The following WDR5B variants were observed in gnomAD, a reference collection of about 807,000 sequenced individuals.
The protein encoded by WDR5B is WD repeat-containing protein 5B.
WDR5B carries 17 observed loss-of-function variants against 24.0 expected under a neutral mutation model. The ratio of observed to expected loss-of-function variants is 0.71; its 90% CI spans 0.49 to 1.06. WDR5B has a LOEUF of 1.06. Ranked by LOEUF, WDR5B falls within the 50% of genes least tolerant of loss-of-function variation. WDR5B has a pLI of 0.00. For synonymous variants in WDR5B, 150 were observed against 146.4 expected (o/e 1.02, Z -0.18); for missense variants, 368 against 384.1 (o/e 0.96, Z 0.35).
rs1235271073 is a variant in WDR5B, at chr3:122,415,605, C to T, written c.-77G>A. ...GGCAGTCCAGTACTTTGGCTTTCTG[C>T]CCAGCAAAATGAAGATAAACGCACA... On this transcript the variant is annotated 5_prime_UTR_variant, in exon 1 of 1. Coordinates refer to ENST00000330689, the MANE Select transcript of WDR5B (RefSeq NM_019069.4). The T allele has an allele frequency of 7.3e-6, 11 of 1,499,674 alleles. No homozygotes were observed. The highest frequency in any genetic ancestry group is 9.8e-6 in the Non-Finnish European group (11 of 1,120,752). The allele number at this position is 1,499,674 out of a possible 1,614,324, so 92.9% of individuals were successfully genotyped here.
At position 122,414,402 on chromosome 3, in the gene WDR5B, T is replaced by C; in HGVS notation, c.*134A>G. ...TTTTTCAACTATCTCATTTTGTAAATGTAGTGTATGAATCTCAAAATTTAA... is the reference window on the plus strand; with the variant it reads ...TTTTTCAACTATCTCATTTTGTAAACGTAGTGTATGAATCTCAAAATTTAA... On this transcript the variant is annotated 3_prime_UTR_variant, in exon 1 of 1. Transcript: ENST00000330689. The C allele has an allele frequency of 9.4e-7, 1 of 1,058,630 alleles. No homozygotes were observed. The highest frequency in any genetic ancestry group is 3.1e-5 in the Admixed American group (1 of 32,724). The allele number at this position is 1,058,630 out of a possible 1,614,324, so 65.6% of individuals were successfully genotyped here. A position where few individuals can be genotyped will look rare whatever the true frequency, so the allele number is the denominator to read the frequency against.
At position 122,415,197 on chromosome 3, in the gene WDR5B, T is replaced by A. The variant is rs1036436937; in HGVS notation, c.332A>T (p.Asp111Val). ...TTTCAAACATTTTCCAGATCTCACA[T>A]CCCATAATTTTAGAGTTTTATCATC... ...ASDDKTLKLW[D>V]VRSGKCLKTL... Residue 111 changes from aspartate (D) to valine (V), a missense_variant, in exon 1 of 1, where the codon GAT (aspartate) becomes GTT (valine). Physicochemically the swap from Asp to Val is radical, Grantham distance 152 (BLOSUM62 -3). Transcript: ENST00000330689. 1.9e-6 allele frequency: 3 copies of A among 1,614,086 alleles called. No homozygotes were observed. The highest frequency in any genetic ancestry group is 2.5e-6 in the Non-Finnish European group (3 of 1,180,042).
Position 122,414,464 on chromosome 3 carries a change from T to C in WDR5B, c.*72A>G. 2 of 1,507,196 alleles carry C rather than the reference T, an allele frequency of 1.3e-6. No individual in the cohort carries two copies. Among genetic ancestry groups the C allele is most frequent in the Non-Finnish European group, 1.8e-6 (2 of 1,132,214 alleles). 93.4% of individuals were successfully genotyped at this position (1,507,196 alleles called of 1,614,324 possible). On this transcript the variant is annotated 3_prime_UTR_variant, in exon 1 of 1. Transcript: ENST00000330689. Reference sequence around the variant, plus strand: ...TTTTAAAATACCAAACTGCCAAAATTAAAAGAAACCGTCTTTTTAAATATC... The same window carrying C: ...TTTTAAAATACCAAACTGCCAAAATCAAAAGAAACCGTCTTTTTAAATATC...
At position 122,412,281 on chromosome 3, in the gene WDR5B, C is replaced by T. The variant is rs573231120; in HGVS notation, c.*2255G>A. 6.6e-6 allele frequency: 1 copy of T among 152,270 alleles called. No individual in the cohort carries two copies. Among genetic ancestry groups the T allele is most frequent in the East Asian group, 1.9e-4 (1 of 5,188 alleles). 9.4% of individuals were successfully genotyped at this position (152,270 alleles called of 1,614,324 possible). A position where few individuals can be genotyped will look rare whatever the true frequency, so the allele number is the denominator to read the frequency against. On this transcript the variant is annotated 3_prime_UTR_variant, in exon 1 of 1. Coordinates refer to ENST00000330689, the MANE Select transcript of WDR5B (RefSeq NM_019069.4). ...TAAAGTGGGCAGAAATCTTTTTCTA[C>T]TTTACATTTCCTGTAAGTGCTGTTT...
Position 122,415,758 on chromosome 3 carries a change from T to C in WDR5B, c.-230A>G. On this transcript the variant is annotated 5_prime_UTR_variant, in exon 1 of 1. Transcript: ENST00000330689. ...TTGTTAAGTACTTGAGAAATACTGT[T>C]AGAAGGATCCTGTGCGCTGTCAGCA... is the stretch of plus-strand genomic sequence containing the variant. 2.0e-6 allele frequency: 1 copy of C among 505,178 alleles called. No individual in the cohort carries two copies. The allele number at this position is 505,178 out of a possible 1,614,324, so 31.3% of individuals were successfully genotyped here. A position where few individuals can be genotyped will look rare whatever the true frequency, so the allele number is the denominator to read the frequency against.
In WDR5B at chr3:122,412,861, G is replaced by GT; in HGVS notation, c.*1674dup. ...AACCTAACCTTGGCGTATTTTTCCG[G>GT]TTTTTTTCTATGGACCATTTCATAT... is the stretch of plus-strand genomic sequence containing the variant. On this transcript the variant is annotated 3_prime_UTR_variant, in exon 1 of 1. Transcript: ENST00000330689. 6.6e-6 allele frequency: 1 copy of GT among 152,020 alleles called. No homozygotes were observed. Among genetic ancestry groups the GT allele is most frequent in the East Asian group, 1.9e-4 (1 of 5,204 alleles). 9.4% of individuals were successfully genotyped at this position (152,020 alleles called of 1,614,324 possible). A position where few individuals can be genotyped will look rare whatever the true frequency, so the allele number is the denominator to read the frequency against.
chr3:122,415,642 T>G lies in WDR5B; in HGVS notation c.-114A>C. The G allele has an allele frequency of 7.3e-7, 1 of 1,366,522 alleles. No individual in the cohort carries two copies. The highest frequency in any genetic ancestry group is 9.9e-7 in the Non-Finnish European group (1 of 1,007,014). The allele number at this position is 1,366,522 out of a possible 1,614,324, so 84.6% of individuals were successfully genotyped here. A position where few individuals can be genotyped will look rare whatever the true frequency, so the allele number is the denominator to read the frequency against. On this transcript the variant is annotated 5_prime_UTR_variant, in exon 1 of 1. Transcript: ENST00000330689. The stretch of plus-strand genomic sequence containing the variant: ...AAGATAAACGCACAGGATTTTAAAA[T>G]GTACAGTTTTGAAAGCTTAAAGTTT...
In WDR5B at chr3:122,415,516, C is replaced by T. The variant is rs762970278; in HGVS notation, c.13G>A (p.Glu5Lys). ...AACTGTGCTTTGGCGTCTCTTGACT[C>T]CTTGGTTGCCATGGCTCTGAAGCTC... MATK[E>K]SRDAKAQLAL... The change falls in exon 1 of 1, where the codon GAG (glutamate) becomes AAG (lysine). Residue 5 changes from glutamate to lysine, a missense_variant. Coordinates refer to ENST00000330689, the MANE Select transcript of WDR5B (RefSeq NM_019069.4). The T allele has an allele frequency of 3.1e-6, 5 of 1,610,740 alleles. No individual in the cohort carries two copies. Among genetic ancestry groups the T allele is most frequent in the Non-Finnish European group, 2.5e-6 (3 of 1,178,094 alleles).
Position 122,414,508 on chromosome 3 carries a change from T to C in WDR5B, c.*28A>G. ...AAATATCCAAGTTTTTTGGCCAACT[T>C]GGCTCTACTACTTGATTTTCAAAGG... On this transcript the variant is annotated 3_prime_UTR_variant, in exon 1 of 1. Coordinates refer to ENST00000330689, the MANE Select transcript of WDR5B (RefSeq NM_019069.4). 6.4e-7 allele frequency: 1 copy of C among 1,561,850 alleles called. No homozygotes were observed. The highest frequency in any genetic ancestry group is 2.3e-5 in the East Asian group (1 of 44,064).
In WDR5B at chr3:122,415,740, G is replaced by A. The variant is rs192232958; in HGVS notation, c.-212C>T. ...CTTCAAGTTTTCATCTTTTTGTTAA[G>A]TACTTGAGAAATACTGTTAGAAGGA... On this transcript the variant is annotated 5_prime_UTR_variant, in exon 1 of 1. Coordinates refer to ENST00000330689, the MANE Select transcript of WDR5B (RefSeq NM_019069.4). The A allele has an allele frequency of 1.2e-4, 72 of 576,668 alleles. No individual in the cohort carries two copies. The highest frequency in any genetic ancestry group is 1.2e-3 in the African/African-American group (63 of 52,902). The allele number at this position is 576,668 out of a possible 1,614,324, so 35.7% of individuals were successfully genotyped here.
rs1396354045 is a variant in WDR5B at position 122,414,541 on chromosome 3, G to A, written c.988C>T (p.His330Tyr). ...DKTIKLWMSN[H>Y] ...CTACTTGATTTTCAAAGGGATTAGT[G>A]GTTACTCATCCACAGTTTAATTGTT... The change falls in exon 1 of 1, where the codon CAC (histidine) becomes TAC (tyrosine). Residue 330 changes from histidine to tyrosine, a missense_variant. Coordinates refer to ENST00000330689, the MANE Select transcript of WDR5B (RefSeq NM_019069.4). 3 of 1,612,182 alleles carry A rather than the reference G, an allele frequency of 1.9e-6. No individual in the cohort carries two copies. The highest frequency in any genetic ancestry group is 2.5e-6 in the Non-Finnish European group (3 of 1,178,616).
rs773129229 is a variant in WDR5B, at chr3:122,414,644, G to T, written c.885C>A (p.Gly295=). The T allele has an allele frequency of 3.1e-6, 5 of 1,614,148 alleles. No homozygotes were observed. Among genetic ancestry groups the T allele is most frequent in the Non-Finnish European group, 8.5e-7 (1 of 1,180,030 alleles). The change falls in exon 1 of 1, where the codon GGC becomes GGA. Residue 295 remains glycine (G), a synonymous_variant. Transcript: ENST00000330689. ...QTKEIVQKLQ[G]HTDVVISAAC... The stretch of plus-strand genomic sequence containing the variant: ...CTGCTGAGATCACAACATCTGTATG[G>T]CCTTGTAATTTCTGCACAATCTCTT...
rs1560005592 is a variant in WDR5B, at chr3:122,415,035, G to GCTGT, written c.493_494insACAG (p.Ala165AspfsTer5). The GCTGT allele has an allele frequency of 1.9e-6, 3 of 1,614,206 alleles. No individual in the cohort carries two copies. Among genetic ancestry groups the GCTGT allele is most frequent in the Non-Finnish European group, 2.5e-6 (3 of 1,180,042 alleles). On this transcript the variant is annotated frameshift_variant, in exon 1 of 1. Transcript: ENST00000330689. LOFTEE classifies it high-confidence loss of function. ...AACAGCAGAAACTGGGTCAGAATGAGCAGACAAAGTCTTGAGACACTTTCC... is the reference window on the plus strand; with the variant it reads ...AACAGCAGAAACTGGGTCAGAATGAGCTGTCAGACAAAGTCTTGAGACACTTTCC...
Position 122,415,201 on chromosome 3 carries a change from A to T in WDR5B, c.328T>A (p.Trp110Arg). 6.2e-7 allele frequency: 1 copy of T among 1,614,246 alleles called. No homozygotes were observed. Among genetic ancestry groups the T allele is most frequent in the Non-Finnish European group, 8.5e-7 (1 of 1,180,042 alleles). The change falls in exon 1 of 1, where the codon TGG (tryptophan) becomes AGG (arginine). Residue 110 changes from tryptophan (W) to arginine (R), a missense_variant. Transcript: ENST00000330689. Reference sequence around the variant, plus strand: ...AAACATTTTCCAGATCTCACATCCCATAATTTTAGAGTTTTATCATCTGAG... The same window carrying T: ...AAACATTTTCCAGATCTCACATCCCTTAATTTTAGAGTTTTATCATCTGAG... ...SASDDKTLKL[W>R]DVRSGKCLKT...
In WDR5B at chr3:122,413,802, A is replaced by G. The variant is rs1306443978; in HGVS notation, c.*734T>C. 1.3e-5 allele frequency: 2 copies of G among 152,152 alleles called. No individual in the cohort carries two copies. Among genetic ancestry groups the G allele is most frequent in the African/African-American group, 2.4e-5 (1 of 41,422 alleles). The allele number at this position is 152,152 out of a possible 1,614,324, so 9.4% of individuals were successfully genotyped here. A position where few individuals can be genotyped will look rare whatever the true frequency, so the allele number is the denominator to read the frequency against. On this transcript the variant is annotated 3_prime_UTR_variant, in exon 1 of 1. Coordinates refer to ENST00000330689, the MANE Select transcript of WDR5B (RefSeq NM_019069.4). ...TGCACTGTTTATCGCAGCACTATTC[A>G]TAATAGTGCTGTTTATCGCAGCACT...
rs373286534 is a variant in WDR5B, at chr3:122,415,114, G to A, written c.415C>T (p.Leu139Phe). 2 of 1,614,042 alleles carry A rather than the reference G, an allele frequency of 1.2e-6. No individual in the cohort carries two copies. Among genetic ancestry groups the A allele is most frequent in the African/African-American group, 2.7e-5 (2 of 74,908 alleles). ...FCCNFNPPSN[L>F]IISGSFDETV... ...TCATCAAAAGATCCCGAGATTATAA[G>A]GTTGGATGGCGGATTGAAGTTACAA... The change falls in exon 1 of 1, where the codon CTT (leucine) becomes TTT (phenylalanine). Residue 139 changes from leucine to phenylalanine, a missense_variant. Coordinates refer to ENST00000330689, the MANE Select transcript of WDR5B (RefSeq NM_019069.4).
In WDR5B at chr3:122,415,323, C is replaced by T. The variant is rs1576257578; in HGVS notation, c.206G>A (p.Gly69Glu). Reference sequence around the variant, plus strand: ...TTTCTCATATTTTCCATCATATGCTCCCCAAATTATGATTAGCCTATCAGC... The same window carrying T: ...TTTCTCATATTTTCCATCATATGCTTCCCAAATTATGATTAGCCTATCAGC... ...SSADRLIIIW[G>E]AYDGKYEKTL... The change falls in exon 1 of 1, where the codon GGA becomes GAA. Residue 69 changes from glycine to glutamate, a missense_variant. By Grantham distance (98) the Gly-to-Glu change is moderately conservative. Coordinates refer to ENST00000330689, the MANE Select transcript of WDR5B (RefSeq NM_019069.4). The T allele has an allele frequency of 6.2e-7, 1 of 1,614,224 alleles. No individual in the cohort carries two copies. Among genetic ancestry groups the T allele is most frequent in the Non-Finnish European group, 8.5e-7 (1 of 1,180,046 alleles).
Position 122,414,306 on chromosome 3 carries a change from C to T in WDR5B, c.*230G>A, listed in dbSNP as rs538568617. ...CAATATATCCCTGTAATAAAAGTGA[C>T]ATAAATCCATAAAAATTACAAAAAG... On this transcript the variant is annotated 3_prime_UTR_variant, in exon 1 of 1. Coordinates refer to ENST00000330689, the MANE Select transcript of WDR5B (RefSeq NM_019069.4). 3.4e-6 allele frequency: 2 copies of T among 595,738 alleles called. No homozygotes were observed. Among genetic ancestry groups the T allele is most frequent in the Admixed American group, 3.4e-5 (1 of 29,558 alleles). The allele number at this position is 595,738 out of a possible 1,614,324, so 36.9% of individuals were successfully genotyped here. A position where few individuals can be genotyped will look rare whatever the true frequency, so the allele number is the denominator to read the frequency against.
In WDR5B at chr3:122,415,458, TC is replaced by T. The variant is rs780215647; in HGVS notation, c.70del (p.Glu24LysfsTer33). On this transcript the variant is annotated frameshift_variant, in exon 1 of 1. Transcript: ENST00000330689. LOFTEE classifies it high-confidence loss of function. ...ALSSSANQSKEVPENPNYALK... is the reference protein window; with the variant it reads ...ALSSSANQSKXVPENPNYALK... ...AGCATAGTTTGGGTTTTCAGGCACT[TC>T]CTTGCTCTGATTGGCCGATGAGGAG... 6.2e-7 allele frequency: 1 copy of T among 1,614,204 alleles called. No individual in the cohort carries two copies. Among genetic ancestry groups the T allele is most frequent in the South Asian group, 1.1e-5 (1 of 91,086 alleles).
Sources: allele counts gnomAD v4.1 joint callset, GRCh38; gene constraint gnomAD v4.1.1; transcripts MANE v1.5; gene names NCBI Gene and HGNC (gene_info 2026-07-23, HGNC 2026-07-21).